The following RYR2 variants were observed in gnomAD, a reference collection of about 807,000 sequenced individuals.
The protein encoded by RYR2 is cardiac muscle ryanodine receptor-calcium release channel.
Under a neutral mutation model 601.1 loss-of-function variants are expected in RYR2, and 227 were observed. The ratio of observed to expected loss-of-function variants is 0.38; its 90% CI spans 0.34 to 0.42. The LOEUF (loss-of-function observed/expected upper bound fraction) is 0.42. Among genes scored for constraint, RYR2 ranks in the 10% least tolerant of loss-of-function variants. The pLI, the probability that RYR2 is intolerant of heterozygous loss-of-function variation, is 1.00. For missense variants in RYR2, 4,646 were observed against 6,156.5 expected, an observed-to-expected ratio of 0.75 and a Z score of 8.21; for synonymous variants, 2,223 against 2,175.1, an observed-to-expected ratio of 1.02 and a Z score of -0.61.
At chr1:237,728,629 T>G (rs1690406635) in intron 76 of RYR2, among the ~76,000 whole-genome samples, 1 of 152,104 alleles carries the variant, frequency 6.6e-6, no homozygotes, top group Admixed American at 6.5e-5. Flanking sequence ...TTCATGTCCC[T>G]TGCAGGGACA....
intron 1 of RYR2, among the ~76,000 whole-genome samples, chr1:237,200,799 A>G (rs1409803817): frequency 6.6e-6 from 1 of 152,178 alleles, no homozygotes; most frequent in Non-Finnish European, 1.5e-5. Context: ...TTGAGTGCAT[A>G]TTTCTTTGAA....
intron 14 of RYR2, among the ~76,000 whole-genome samples, chr1:237,446,991 A>G (rs2150174614): frequency 6.6e-6 from 1 of 152,284 alleles, no homozygotes; most frequent in Non-Finnish European, 1.5e-5. Context: ...TGTTCTTCCC[A>G]CTAGTTTTTC....
At chr1:237,527,511 C>T (rs951915468) in intron 24 of RYR2, among the ~76,000 whole-genome samples, 3 of 152,148 alleles carry the variant, frequency 2.0e-5, no homozygotes, top group African/African-American at 7.2e-5. Flanking sequence ...CTATAGTACA[C>T]GGTCAGATCT....
intron 1 of RYR2, among the ~76,000 whole-genome samples, chr1:237,107,927 T>C (rs1003570776): frequency 1.3e-5 from 2 of 152,184 alleles, no homozygotes; most frequent in Non-Finnish European, 2.9e-5. Flanking sequence ...GAGGCATTGT[T>C]GAAAAGCCTC....
intron 100 of RYR2, among the ~76,000 whole-genome samples, chr1:237,817,561 A>G (rs1309278848): frequency 6.6e-6 from 1 of 152,210 alleles, no homozygotes; most frequent in Non-Finnish European, 1.5e-5. Flanking sequence ...CTGGATACCC[A>G]AGTGTGGAAT....
intron 48 of RYR2, among the ~76,000 whole-genome samples, chr1:237,646,994 C>G (rs924348644): frequency 3.9e-5 from 6 of 152,170 alleles, no homozygotes; most frequent in Non-Finnish European, 8.8e-5. Flanking sequence ...GCTTAAAAAG[C>G]AAAGCATATA....
intron 25 of RYR2, among the ~76,000 whole-genome samples, chr1:237,535,271 G>T (rs1168326610): frequency 6.6e-6 from 1 of 151,392 alleles, no homozygotes; most frequent in African/African-American, 2.4e-5. Flanking sequence ...TACTAAGCAG[G>T]GGAAAAAGAC....
At chr1:237,451,042 C>CAT (rs34915737) in intron 14 of RYR2, among the ~76,000 whole-genome samples, 68,348 of 151,112 alleles carry the variant, frequency 0.45, 17,437 homozygotes, top group East Asian at 0.64. Flanking sequence ...GTTTCTATTG[C>CAT]ATATATATAT....
At chr1:237,182,146 G>C (rs969337257) in intron 1 of RYR2, among the ~76,000 whole-genome samples, 1 of 120,266 alleles carries the variant, frequency 8.3e-6, no homozygotes, top group Non-Finnish European at 2.0e-5. Context: ...TTTTGAGATG[G>C]AGTCGCACTC....
intron 1 of RYR2, among the ~76,000 whole-genome samples, chr1:237,119,557 G>A (rs148770129): frequency 4.6e-5 from 7 of 152,182 alleles, no homozygotes; most frequent in Admixed American, 2.0e-4. Context: ...CAGATGGGCC[G>A]TTCAGGTTCC....
rs1024864893 is a variant in RYR2, at chr1:237,650,109, A to C, written c.7733+12A>C. The C allele has an allele frequency of 1.9e-6, 3 of 1,605,460 alleles. No homozygotes were observed. Among genetic ancestry groups the C allele is most frequent in the Non-Finnish European group, 2.6e-6 (3 of 1,173,102 alleles). Reference sequence around the variant, plus strand: ...CTCTCTATTTGTGGGTGAGTGGATAACAAATTCTATTCCGGCTTCTTCTTT... The same window carrying C: ...CTCTCTATTTGTGGGTGAGTGGATACCAAATTCTATTCCGGCTTCTTCTTT... On this transcript the variant is annotated intron_variant, in intron 50 of 104. Coordinates refer to ENST00000366574, the MANE Select transcript of RYR2 (RefSeq NM_001035.3).
At chr1:237,494,832 C>G (rs1663859675) in intron 19 of RYR2, among the ~76,000 whole-genome samples, 1 of 152,000 alleles carries the variant, frequency 6.6e-6, no homozygotes, top group African/African-American at 2.4e-5. Context: ...GCTCTGTCAC[C>G]CAGGCTGGAG....
intron 49 of RYR2, 26 bp from the exon 50 acceptor site, chr1:237,649,851 C>G: frequency 6.2e-7 from 1 of 1,603,002 alleles, no homozygotes; most frequent in Non-Finnish European, 8.5e-7. Flanking sequence ...ACACAAATGG[C>G]CTTCTACTCT....
chr1:237,658,961 G>C lies in RYR2; in HGVS notation c.8208+939G>C, dbSNP rs535821424. On this transcript the variant is annotated intron_variant, in intron 54 of 104. Coordinates refer to ENST00000366574, the MANE Select transcript of RYR2 (RefSeq NM_001035.3). ...TTCTAAAGGAAATCTTATGCCTACA[G>C]GTTCATGTTTAAGTTGAGCTTAGTC... Among the ~76,000 whole-genome samples, 525 of 152,260 alleles carry C rather than the reference G, an allele frequency of 3.4e-3. 2 individuals are homozygous for C. Among genetic ancestry groups the C allele is most frequent in the African/African-American group, 0.012 (502 of 41,542 alleles).
intron 8 of RYR2, among the ~76,000 whole-genome samples, chr1:237,382,416 G>A (rs902448284): frequency 2.0e-5 from 3 of 151,888 alleles, no homozygotes; most frequent in African/African-American, 7.3e-5. Flanking sequence ...TAGGGTACAT[G>A]TGCACAACGT....
chr1:237,725,458 G>T (rs1313475878), intron 74 of RYR2, among the ~76,000 whole-genome samples: 2 of 144,940 alleles, frequency 1.4e-5, no homozygotes, highest in East Asian at 3.9e-4. Flanking sequence ...GGAAACACTT[G>T]TTGATTTAAT....
chr1:237,552,283 C>G (rs1670475535), intron 27 of RYR2, among the ~76,000 whole-genome samples: 1 of 152,032 alleles, frequency 6.6e-6, no homozygotes, highest in African/African-American at 2.4e-5. Context: ...ATCAAAGAGA[C>G]TTCTGTAATT....
At chr1:237,345,723 G>T (rs1353501392) in intron 3 of RYR2, among the ~76,000 whole-genome samples, 1 of 151,586 alleles carries the variant, frequency 6.6e-6, no homozygotes, top group Admixed American at 6.6e-5. Context: ...CCTAGAGGTG[G>T]TACTCTAAGC....
chr1:237,698,152 A>G (rs1573569190), intron 63 of RYR2, among the ~76,000 whole-genome samples: 2 of 133,274 alleles, frequency 1.5e-5, no homozygotes, highest in African/African-American at 5.8e-5. Context: ...GTGTGTGTGT[A>G]ATGAGGAACT....
Sources: allele counts gnomAD v4.1 joint callset (sites outside exome capture counted in the v4.1 genomes callset), GRCh38; gene constraint gnomAD v4.1.1; transcripts MANE v1.5; gene names NCBI Gene and HGNC (gene_info 2026-07-23, HGNC 2026-07-21).